Variants in KCNH6 observed in about 807,000 individuals in gnomAD.
KCNH6 encodes the protein voltage-gated inwardly rectifying potassium channel KCNH6.
In KCNH6, 81 loss-of-function variants were observed where a neutral mutation model predicts 83.4. The observed-to-expected ratio is 0.97, with a 90% CI of 0.81 to 1.17. KCNH6 has a LOEUF of 1.17. Ranked by LOEUF, KCNH6 falls within the 50% of genes most tolerant of loss-of-function variation. The pLI, the probability that KCNH6 is intolerant of heterozygous loss-of-function variation, is 0.00. For synonymous variants in KCNH6, 503 were observed against 545.6 expected (o/e 0.92, Z 1.09); for missense variants, 1,203 against 1,290.5 (o/e 0.93, Z 1.04).
intron 2 of KCNH6, among the ~76,000 whole-genome samples, chr17:63,528,963 T>C (rs1303741087): frequency 6.6e-6 from 1 of 152,106 alleles, no homozygotes; most frequent in Non-Finnish European, 1.5e-5. Context: ...GCCTCCTGAG[T>C]AGCTGGGACT....
chr17:63,543,692 C>A, intron 10 of KCNH6, 32 bp downstream of exon 10: 1 of 1,348,442 alleles, frequency 7.4e-7, no homozygotes, highest in Non-Finnish European at 1.1e-6. Flanking sequence ...CCCCACCAGC[C>A]TGTAGCCCCT....
chr17:63,530,612 C>A, intron 4 of KCNH6, 70 bp downstream of exon 4: 1 of 1,428,288 alleles, frequency 7.0e-7, no homozygotes, highest in South Asian at 1.2e-5. Context: ...GGCTCTGGGC[C>A]CAGGCCCTTC....
intron 3 of KCNH6, 29 bp downstream of exon 3, chr17:63,530,281 G>C (rs200148750): frequency 6.2e-7 from 1 of 1,613,788 alleles, no homozygotes; most frequent in Non-Finnish European, 8.5e-7. Flanking sequence ...GGTGGTGGGA[G>C]GGACGCATGA....
At position 63,545,214 on chromosome 17, in the gene KCNH6, ACGACGAGTCCAGGG is replaced by A; in HGVS notation, c.2535_2548del (p.Thr846GlnfsTer20). 1 of 1,613,660 alleles carries A rather than the reference ACGACGAGTCCAGGG, an allele frequency of 6.2e-7. No homozygotes were observed. On this transcript the variant is annotated frameshift_variant, in exon 12 of 13. Transcript: ENST00000314672. LOFTEE classifies it low-confidence loss of function (END_TRUNC). ...GGCCTTGGTTCCTATAGCCTCGGAG[ACGACGAGTCCAGGG>A]CCCAGGCTGCCCCAGGGCTTTCTGC...
chr17:63,527,364 C>T (rs2031785483), intron 2 of KCNH6, among the ~76,000 whole-genome samples: 1 of 152,304 alleles, frequency 6.6e-6, no homozygotes, highest in South Asian at 2.1e-4. Context: ...GGGGACTCAC[C>T]ACAGTGCTGG....
At chr17:63,531,233 C>A (rs1403468368) in intron 4 of KCNH6, among the ~76,000 whole-genome samples, 2 of 152,244 alleles carry the variant, frequency 1.3e-5, no homozygotes, top group Admixed American at 6.5e-5. Flanking sequence ...ATGCGAGGAG[C>A]CCTGCCCGAG....
rs2032648866 is a variant in KCNH6, at chr17:63,538,328, G to A, written c.1701+64G>A. On this transcript the variant is annotated intron_variant, in intron 7 of 12. Transcript: ENST00000314672. The surrounding 1 kb of genome is among the most constrained non-coding windows in gnomAD (Gnocchi z 4.0). ...GGGGAGCCAAGATCCTGCGGGGGCG[G>A]GGCGTCCCCAGAGCCCTCACCACCC... 3 of 1,607,766 alleles carry A rather than the reference G, an allele frequency of 1.9e-6. No homozygotes were observed. The highest frequency in any genetic ancestry group is 2.2e-5 in the South Asian group (2 of 90,910).
At position 63,542,315 on chromosome 17, in the gene KCNH6, C is replaced by T; in HGVS notation, c.2029C>T (p.Leu677=). 1 of 1,614,156 alleles carries T rather than the reference C, an allele frequency of 6.2e-7. No homozygotes were observed. The highest frequency in any genetic ancestry group is 8.5e-7 in the Non-Finnish European group (1 of 1,180,034). ...PGKSSADVRA[L]TYCDLHKIQR... ...CAAGTCCAGTGCAGACGTGCGGGCT[C>T]TGACCTACTGCGACCTGCACAAGAT... Residue 677 remains leucine (L), a synonymous_variant, in exon 9 of 13, where the codon CTG becomes TTG. Transcript: ENST00000314672.
At chr17:63,547,278 T>C (rs2033166889), downstream of KCNH6, among the ~76,000 whole-genome samples, 1 of 152,104 alleles carries the variant, frequency 6.6e-6, no homozygotes. Flanking sequence ...ATGCCTGTAA[T>C]CCCAGGGCTT....
chr17:63,533,499 C>A lies in KCNH6; in HGVS notation c.676-387C>A, dbSNP rs901618094. On this transcript the variant is annotated intron_variant, in intron 4 of 12. Transcript: ENST00000314672. This position sits in a 1 kb window ranked among gnomAD's most constrained non-coding sequence, Gnocchi z 4.1. The stretch of plus-strand genomic sequence containing the variant: ...TCCTAAGCTCACCAGAGAGGATCAG[C>A]CCATCAGCTACCCCTTCTGTGGGCT... Among the ~76,000 whole-genome samples, 30 of 152,102 alleles carry A rather than the reference C, an allele frequency of 2.0e-4. No individual in the cohort carries two copies. Among genetic ancestry groups the A allele is most frequent in the Non-Finnish European group, 4.0e-4 (27 of 67,988 alleles).
chr17:63,532,504 T>TA (rs985554951), intron 4 of KCNH6, among the ~76,000 whole-genome samples: 5 of 151,170 alleles, frequency 3.3e-5, no homozygotes, highest in African/African-American at 9.7e-5. Flanking sequence ...AGGGAGAAAA[T>TA]AAAAAAAGAG....
rs759011894 is a variant in KCNH6 at position 63,530,464 on chromosome 17, C to T, written c.597C>T (p.Ser199=). ...TCAACTTGGAGAAGCACCGCTCCAG[C>T]TCCACCACGGAGATTGAGATCATCG... ...VEFNLEKHRS[S]STTEIEIIAP... The change falls in exon 4 of 13, where the codon AGC becomes AGT. Residue 199 remains serine (S), a synonymous_variant. Coordinates refer to ENST00000314672, the MANE Select transcript of KCNH6 (RefSeq NM_001278919.2). The T allele has an allele frequency of 9.3e-6, 15 of 1,614,116 alleles. No homozygotes were observed. Among genetic ancestry groups the T allele is most frequent in the Admixed American group, 5.0e-5 (3 of 60,014 alleles).
At chr17:63,537,044 G>A (rs535845295) in intron 6 of KCNH6, among the ~76,000 whole-genome samples, 1 of 151,358 alleles carries the variant, frequency 6.6e-6, no homozygotes, top group African/African-American at 2.4e-5. Context: ...GGCTCCGTGT[G>A]TCCACATGGG....
chr17:63,545,405 A>G lies in KCNH6; in HGVS notation c.2583+141A>G, dbSNP rs562313159. Reference sequence around the variant, plus strand: ...AGGGCTTCTGCTTACCTCCTTTATGATCAGAGTCATGATAGGGTTAGCCTG... The same window carrying G: ...AGGGCTTCTGCTTACCTCCTTTATGGTCAGAGTCATGATAGGGTTAGCCTG... On this transcript the variant is annotated intron_variant, in intron 12 of 12. Transcript: ENST00000314672. 11 of 1,013,398 alleles carry G rather than the reference A, an allele frequency of 1.1e-5. No individual in the cohort carries two copies. In the East Asian group the frequency reaches 2.3e-4, roughly 21 times the overall value. 62.8% of individuals were successfully genotyped at this position (1,013,398 alleles called of 1,614,324 possible).
At chr17:63,530,843 G>A (rs894813976) in intron 4 of KCNH6, among the ~76,000 whole-genome samples, 2 of 152,220 alleles carry the variant, frequency 1.3e-5, no homozygotes, top group Non-Finnish European at 2.9e-5. Context: ...GATGGACATG[G>A]AGGCCACCAT....
At chr17:63,531,756 G>A (rs1192055156) in intron 4 of KCNH6, among the ~76,000 whole-genome samples, 1 of 152,212 alleles carries the variant, frequency 6.6e-6, no homozygotes, top group East Asian at 1.9e-4. Context: ...CTACCACGGA[G>A]GGGGCTGTTA....
At chr17:63,528,956 T>C (rs2031902690) in intron 2 of KCNH6, among the ~76,000 whole-genome samples, 2 of 152,184 alleles carry the variant, frequency 1.3e-5, no homozygotes, top group Non-Finnish European at 2.9e-5. Flanking sequence ...TGCCTCAGCC[T>C]CCTGAGTAGC....
At position 63,545,989 on chromosome 17, in the gene KCNH6, C is replaced by T. The variant is rs1446555880; in HGVS notation, c.*87C>T. Reference sequence around the variant, plus strand: ...GGGGAGGTGGCCGGGTGCAGTGGCTCGCCTGTAATCCCAGCACTTTGGGAG... The same window carrying T: ...GGGGAGGTGGCCGGGTGCAGTGGCTTGCCTGTAATCCCAGCACTTTGGGAG... On this transcript the variant is annotated 3_prime_UTR_variant, in exon 13 of 13. Transcript: ENST00000314672. The T allele has an allele frequency of 2.6e-5, 33 of 1,291,974 alleles. 1 individual carries two copies. Among genetic ancestry groups the T allele is most frequent in the South Asian group, 9.4e-5 (7 of 74,612 alleles). The allele number at this position is 1,291,974 out of a possible 1,614,324, so 80.0% of individuals were successfully genotyped here.
chr17:63,538,236 C>G lies in KCNH6; in HGVS notation c.1673C>G (p.Ser558Cys). The change falls in exon 7 of 13, where the codon TCC becomes TGC. Residue 558 changes from serine to cysteine, a missense_variant. By Grantham distance (112) the Ser-to-Cys change is moderately radical (BLOSUM62 -1). Transcript: ENST00000314672. The surrounding 1 kb of genome is among the most constrained non-coding windows in gnomAD (Gnocchi z 4.0). ...RLEEYFQHAW[S>C]YTNGIDMNAV... Reference sequence around the variant, plus strand: ...GAGGAGTATTTCCAGCACGCCTGGTCCTACACCAATGGCATTGACATGAAC... The same window carrying G: ...GAGGAGTATTTCCAGCACGCCTGGTGCTACACCAATGGCATTGACATGAAC... 1.2e-6 allele frequency: 2 copies of G among 1,614,180 alleles called. No homozygotes were observed. Among genetic ancestry groups the G allele is most frequent in the Non-Finnish European group, 8.5e-7 (1 of 1,180,020 alleles).
Sources: gnomAD v4.1 joint callset for allele counts (sites outside exome capture counted in the v4.1 genomes callset) on GRCh38, gnomAD v4.1.1 for gene constraint, Gnocchi (gnomAD v3.1) non-coding constraint, MANE v1.5 for transcripts, NCBI Gene and HGNC (gene_info 2026-07-23, HGNC 2026-07-21) for gene names.